The following NRXN3 variants were observed in gnomAD, a reference collection of about 807,000 sequenced individuals.
NRXN3 encodes the protein neurexin 3, also known as neurexin III.
In NRXN3, 32 loss-of-function variants were observed where a neutral mutation model predicts 137.6. The observed-to-expected ratio is 0.23, with a 90% CI of 0.18 to 0.31. NRXN3 has a LOEUF of 0.31. Ranked by LOEUF, NRXN3 falls within the 10% of genes least tolerant of loss-of-function variation. The pLI is 1.00. For missense variants in NRXN3, 1,574 were observed against 2,062.5 expected (o/e 0.76, Z 4.59); for synonymous variants, 798 against 784.5 (o/e 1.02, Z -0.29).
At chr14:78,947,023 A>G (rs577776776) in intron 10 of NRXN3, among the ~76,000 whole-genome samples, 2 of 152,322 alleles carry the variant, frequency 1.3e-5, no homozygotes, top group African/African-American at 4.8e-5. Flanking sequence ...TCAAACCTAC[A>G]TACATATTAT....
At chr14:78,928,356 T>A (rs975628897) in intron 10 of NRXN3, among the ~76,000 whole-genome samples, 1 of 152,128 alleles carries the variant, frequency 6.6e-6, no homozygotes, top group Non-Finnish European at 1.5e-5. Context: ...ATGTGCAGGT[T>A]TGTTACATAT....
intron 15 of NRXN3, among the ~76,000 whole-genome samples, chr14:79,102,083 T>C (rs1023825262): frequency 6.6e-6 from 1 of 152,148 alleles, no homozygotes; most frequent in Non-Finnish European, 1.5e-5. Flanking sequence ...ATTGCTCTGC[T>C]CATGTCTTGA....
At chr14:79,384,411 T>A (rs1199561389) in intron 15 of NRXN3, among the ~76,000 whole-genome samples, 1 of 152,186 alleles carries the variant, frequency 6.6e-6, no homozygotes, top group Non-Finnish European at 1.5e-5. Context: ...TTTTTCTTAA[T>A]AATCTATAAA....
chr14:78,537,877 C>T (rs1483743438), intron 4 of NRXN3, among the ~76,000 whole-genome samples: 1 of 152,154 alleles, frequency 6.6e-6, no homozygotes, highest in Non-Finnish European at 1.5e-5. Context: ...ATCCTTTCCC[C>T]ATTTCTTGTT....
intron 10 of NRXN3, among the ~76,000 whole-genome samples, chr14:78,902,596 A>G (rs1201560501): frequency 6.6e-6 from 1 of 151,988 alleles, no homozygotes; most frequent in Non-Finnish European, 1.5e-5. Context: ...CCCTAATTCT[A>G]AAACATTTTT....
At chr14:78,886,033 G>A (rs1407076713) in intron 10 of NRXN3, among the ~76,000 whole-genome samples, 1 of 152,034 alleles carries the variant, frequency 6.6e-6, no homozygotes, top group African/African-American at 2.4e-5. Flanking sequence ...AACATCTCTG[G>A]AAATGACAAG....
Position 78,873,140 on chromosome 14 carries a change from T to G in NRXN3, c.2275+62796T>G, listed in dbSNP as rs150782. Among the ~76,000 whole-genome samples the G allele has an allele frequency of 8.4e-3, 1,285 of 152,318 alleles. 15 individuals are homozygous for G. The highest frequency in any genetic ancestry group is 0.03 in the African/African-American group (1,242 of 41,568). On this transcript the variant is annotated intron_variant, in intron 10 of 20. Coordinates refer to ENST00000335750, the MANE Select transcript of NRXN3 (RefSeq NM_001330195.2). ...ATAGGGTTCTACAGCAAAATATCCTTGTTTACTACTGGCTTCTTTCTCTGT... is the reference window on the plus strand; with the variant it reads ...ATAGGGTTCTACAGCAAAATATCCTGGTTTACTACTGGCTTCTTTCTCTGT...
At chr14:79,292,554 G>A (rs1382745681) in intron 15 of NRXN3, among the ~76,000 whole-genome samples, 1 of 152,196 alleles carries the variant, frequency 6.6e-6, no homozygotes, top group Non-Finnish European at 1.5e-5. Context: ...TTTCATTAAT[G>A]CCAAAAGGCA....
At chr14:79,422,319 C>T (rs1600074934) in intron 15 of NRXN3, among the ~76,000 whole-genome samples, 2 of 152,254 alleles carry the variant, frequency 1.3e-5, no homozygotes, top group African/African-American at 4.8e-5. Flanking sequence ...CCTCCTCAGC[C>T]TCCCAAAGTG....
chr14:79,273,634 AAAAT>A (rs2079773499), intron 15 of NRXN3, among the ~76,000 whole-genome samples: 1 of 152,306 alleles, frequency 6.6e-6, no homozygotes, highest in African/African-American at 2.4e-5. Context: ...ACTCCGTCTC[AAAAT>A]AAATAAATAC....
In NRXN3 at chr14:79,049,098, T is replaced by TAATAATAATAATAC. The variant is rs1272827423; in HGVS notation, c.3262+60957_3262+60958insAATAATAATAATAC. 4.4e-4 allele frequency among the ~76,000 whole-genome samples: 45 copies of TAATAATAATAATAC among 102,308 alleles called. 4 individuals are homozygous for TAATAATAATAATAC. Among genetic ancestry groups the TAATAATAATAATAC allele is most frequent in the African/African-American group, 1.8e-3 (43 of 24,172 alleles). The allele number at this position is 102,308 out of a possible 152,430, so 67.1% of individuals were successfully genotyped here. ...AATAATAATAATAATAATAATAATA[T>TAATAATAATAATAC]GATGGGGTGTGCTGCATTGACTGAT... On this transcript the variant is annotated intron_variant, in intron 15 of 20. Coordinates refer to ENST00000335750, the MANE Select transcript of NRXN3 (RefSeq NM_001330195.2).
Position 78,905,995 on chromosome 14 carries a change from A to C in NRXN3, c.2276-51247A>C, listed in dbSNP as rs73323328. Among the ~76,000 whole-genome samples, 1,302 of 152,146 alleles carry C rather than the reference A, an allele frequency of 8.6e-3. 22 individuals are homozygous for C. Among genetic ancestry groups the C allele is most frequent in the African/African-American group, 0.03 (1,228 of 41,558 alleles). ...CTAAAACTGGAATAATTTATGTTCT[A>C]TAAGGGGAATGGCTAAATAAAATTA... On this transcript the variant is annotated intron_variant, in intron 10 of 20. Transcript: ENST00000335750.
At chr14:78,918,285 C>CAAAAAAAAAAAAAAA (rs71454807) in intron 10 of NRXN3, among the ~76,000 whole-genome samples, 2 of 34,656 alleles carry the variant, frequency 5.8e-5, no homozygotes, top group East Asian at 1.2e-3. Context: ...AACTCCATCT[C>CAAAAAAAAAAAAAAA]AAAAAAAAAA....
At chr14:79,689,805 A>T (rs2098709501) in intron 17 of NRXN3, among the ~76,000 whole-genome samples, 1 of 151,976 alleles carries the variant, frequency 6.6e-6, no homozygotes, top group African/African-American at 2.4e-5. Flanking sequence ...GAGGGTGGGG[A>T]TGCTTAGGAG....
intron 16 of NRXN3, among the ~76,000 whole-genome samples, chr14:79,650,374 C>T (rs1028338598): frequency 1.3e-5 from 2 of 152,124 alleles, no homozygotes; most frequent in African/African-American, 4.8e-5. Flanking sequence ...GTGCTTCTTT[C>T]TCATTTCTCT....
At chr14:78,308,446 A>G (rs1169383868) in intron 4 of NRXN3, among the ~76,000 whole-genome samples, 1 of 152,144 alleles carries the variant, frequency 6.6e-6, no homozygotes, top group Non-Finnish European at 1.5e-5. Flanking sequence ...CTTTTAAATG[A>G]AACCCTGCAA....
intron 4 of NRXN3, among the ~76,000 whole-genome samples, chr14:78,564,243 C>T (rs1210746098): frequency 6.6e-6 from 1 of 152,148 alleles, no homozygotes. Context: ...TTAAAGTGAA[C>T]ATCTTTTGTC....
At chr14:79,769,204 A>G (rs996863570) in intron 19 of NRXN3, among the ~76,000 whole-genome samples, 11 of 149,124 alleles carry the variant, frequency 7.4e-5, no homozygotes, top group African/African-American at 2.7e-4. Flanking sequence ...ACTCTGCAGG[A>G]TATTATCCAG....
chr14:79,836,361 C>T (rs924065178), intron 20 of NRXN3, among the ~76,000 whole-genome samples: 1 of 152,090 alleles, frequency 6.6e-6, no homozygotes, highest in African/African-American at 2.4e-5. Flanking sequence ...CAAACTCTTG[C>T]CAACTGACAT....
Sources: allele counts gnomAD v4.1 joint callset (sites outside exome capture counted in the v4.1 genomes callset), GRCh38; gene constraint gnomAD v4.1.1; transcripts MANE v1.5; gene names NCBI Gene and HGNC (gene_info 2026-07-23, HGNC 2026-07-21).